Variants in B3GALT1 observed in about 807,000 individuals in gnomAD.
The protein encoded by B3GALT1 is UDP-Gal:betaGlcNAc beta 1,3-galactosyltransferase, polypeptide 1.
Under a neutral mutation model 23.2 loss-of-function variants are expected in B3GALT1, and 10 were observed. That is an observed-to-expected ratio of 0.43 (90% CI 0.27 to 0.73). The LOEUF (loss-of-function observed/expected upper bound fraction) is 0.73, where lower values mean the gene tolerates loss of function less well. B3GALT1 is among the 30% of genes least tolerant of loss of function. The probability of loss-of-function intolerance (pLI) is 0.21; values close to 1 mark genes in which losing one functional copy is unlikely to be tolerated. For missense variants in B3GALT1, 299 were observed against 405.4 expected (o/e 0.74, Z 2.25); for synonymous variants, 156 against 141.5 (o/e 1.10, Z -0.73).
At chr2:167,759,354 A>C (rs549153452) in intron 3 of B3GALT1, among the ~76,000 whole-genome samples, 1 of 152,338 alleles carries the variant, frequency 6.6e-6, no homozygotes, top group East Asian at 1.9e-4. Flanking sequence ...GAAAGGAAAG[A>C]TACCAAGGAA....
At chr2:167,789,411 CCAA>C (rs1688396906) in intron 3 of B3GALT1, among the ~76,000 whole-genome samples, 1 of 152,208 alleles carries the variant, frequency 6.6e-6, no homozygotes, top group East Asian at 1.9e-4. Context: ...GGCTTTCTCA[CCAA>C]CAACACGAGC....
In B3GALT1 at chr2:167,841,051, G is replaced by A. The variant is rs1307065840; in HGVS notation, c.-230+22258G>A. Among the ~76,000 whole-genome samples the A allele has an allele frequency of 3.4e-5, 5 of 149,070 alleles. No homozygotes were observed. The East Asian group carries it at 9.9e-4, about 30-fold the overall frequency. The stretch of plus-strand genomic sequence containing the variant: ...GGGGTGGGGGGAGGGGGGAGGGATA[G>A]CATTGGGAGATATACCTAATGCTAG... On this transcript the variant is annotated intron_variant, in intron 4 of 4. Coordinates refer to ENST00000392690, the MANE Select transcript of B3GALT1 (RefSeq NM_020981.4).
chr2:167,445,425 AC>A (rs1462799352), intron 1 of B3GALT1, among the ~76,000 whole-genome samples: 1 of 152,076 alleles, frequency 6.6e-6, no homozygotes, highest in Non-Finnish European at 1.5e-5. Flanking sequence ...ATCGTTGTTA[AC>A]TTTCTGTCTC....
chr2:167,734,759 G>C (rs1687466425), intron 3 of B3GALT1, among the ~76,000 whole-genome samples: 1 of 152,154 alleles, frequency 6.6e-6, no homozygotes, highest in Non-Finnish European at 1.5e-5. Flanking sequence ...AGTTGATAAT[G>C]TAAAGGGGAG....
At chr2:167,860,145 G>A (rs1690071063) in intron 4 of B3GALT1, among the ~76,000 whole-genome samples, 1 of 152,172 alleles carries the variant, frequency 6.6e-6, no homozygotes, top group African/African-American at 2.4e-5. Context: ...CTTGGGGCTT[G>A]TTTATCAATT....
chr2:167,427,540 A>G (rs552880079), intron 1 of B3GALT1, among the ~76,000 whole-genome samples: 107 of 152,228 alleles, frequency 7.0e-4, no homozygotes, highest in African/African-American at 2.5e-3. Context: ...TGTAGTCTTT[A>G]TGTAATATTA....
chr2:167,678,222 G>A (rs141826930), intron 3 of B3GALT1, among the ~76,000 whole-genome samples: 6 of 152,256 alleles, frequency 3.9e-5, no homozygotes, highest in African/African-American at 7.2e-5. Flanking sequence ...ATCCATCACA[G>A]GTTTCATAAT....
chr2:167,753,415 A>G lies in B3GALT1; in HGVS notation c.-351-65257A>G, dbSNP rs112806918. On this transcript the variant is annotated intron_variant, in intron 3 of 4. Transcript: ENST00000392690. ...ACACAACCTGCTGAGGAGTGAAACC[A>G]TGGTCAGGCTCTGAGGTTCCTGGTC... Among the ~76,000 whole-genome samples the G allele has an allele frequency of 2.5e-3, 374 of 152,290 alleles. 1 individual carries two copies. The highest frequency in any genetic ancestry group is 8.6e-3 in the African/African-American group (358 of 41,572).
At chr2:167,574,015 T>A (rs1684341546) in intron 2 of B3GALT1, among the ~76,000 whole-genome samples, 1 of 151,744 alleles carries the variant, frequency 6.6e-6, no homozygotes, top group Admixed American at 6.6e-5. Context: ...ATTAAGAAGA[T>A]TAAAATTTAA....
chr2:167,852,072 A>C (rs1400792919), intron 4 of B3GALT1, among the ~76,000 whole-genome samples: 1 of 152,186 alleles, frequency 6.6e-6, no homozygotes, highest in Admixed American at 6.5e-5. Flanking sequence ...TTTGGCAGTG[A>C]AGTTATGTTG....
At chr2:167,744,060 G>A (rs1687616330) in intron 3 of B3GALT1, among the ~76,000 whole-genome samples, 4 of 152,070 alleles carry the variant, frequency 2.6e-5, no homozygotes, top group Non-Finnish European at 4.4e-5. Context: ...ATTATGGGGG[G>A]ATTTTTAAAT....
chr2:167,410,617 A>T (rs1262873720), intron 1 of B3GALT1, among the ~76,000 whole-genome samples: 2 of 151,942 alleles, frequency 1.3e-5, no homozygotes, highest in African/African-American at 2.4e-5. Flanking sequence ...GAGCATTAGG[A>T]CAAATACCTA....
intron 2 of B3GALT1, among the ~76,000 whole-genome samples, chr2:167,512,502 A>T (rs1027282995): frequency 7.5e-5 from 11 of 145,844 alleles, no homozygotes; most frequent in African/African-American, 2.8e-4. Context: ...TATTTATATT[A>T]TACATGCATA....
At chr2:167,810,073 C>G (rs866325537) in intron 3 of B3GALT1, among the ~76,000 whole-genome samples, 1 of 144,360 alleles carries the variant, frequency 6.9e-6, no homozygotes, top group Non-Finnish European at 1.5e-5. Context: ...GGGCGTAGGA[C>G]CCCCTGAGCC....
intron 3 of B3GALT1, among the ~76,000 whole-genome samples, chr2:167,732,401 C>T (rs1162303508): frequency 2.0e-5 from 3 of 152,196 alleles, no homozygotes; most frequent in Non-Finnish European, 4.4e-5. Flanking sequence ...AGTGGTCACT[C>T]CAGACAATTA....
At chr2:167,592,313 ACCTTGCTGCC>A (rs1293510866) in intron 2 of B3GALT1, among the ~76,000 whole-genome samples, 2 of 152,220 alleles carry the variant, frequency 1.3e-5, no homozygotes, top group Middle Eastern at 3.4e-3. Context: ...TGGTCAGTCA[ACCTTGCTGCC>A]CCTAATCTAA....
rs1688953809 is a variant in B3GALT1, at chr2:167,814,538, G to A, written c.-351-4134G>A. Among the ~76,000 whole-genome samples the A allele has an allele frequency of 2.0e-5, 3 of 152,146 alleles. 1 individual carries two copies. The South Asian group carries it at 6.2e-4, about 32-fold the overall frequency. ...GCACTTTCGGAGGCTGAGGCAGGCG[G>A]ATCAGGAGGTCAGGAGATCGAGAAC... On this transcript the variant is annotated intron_variant, in intron 3 of 4. Transcript: ENST00000392690.
At chr2:167,337,295 T>A (rs1697073643) in intron 1 of B3GALT1, among the ~76,000 whole-genome samples, 1 of 152,114 alleles carries the variant, frequency 6.6e-6, no homozygotes, top group South Asian at 2.1e-4. Context: ...TAAAATTATT[T>A]CTGGAGAGAG....
At chr2:167,611,551 C>A (rs1052564536) in intron 2 of B3GALT1, among the ~76,000 whole-genome samples, 1 of 152,062 alleles carries the variant, frequency 6.6e-6, no homozygotes, top group South Asian at 2.1e-4. Context: ...TGGCTGATTT[C>A]TATAGAAATA....
Sources: gnomAD v4.1 joint callset for allele counts (sites outside exome capture counted in the v4.1 genomes callset) on GRCh38, gnomAD v4.1.1 for gene constraint, MANE v1.5 for transcripts, NCBI Gene and HGNC (gene_info 2026-07-23, HGNC 2026-07-21) for gene names.